NPLOC4: variants seen among roughly 807,000 people sequenced by gnomAD.
The protein encoded by NPLOC4 is nuclear protein localization protein 4 homolog.
In NPLOC4, 18 loss-of-function variants were observed where a neutral mutation model predicts 80.6. That is an observed-to-expected ratio of 0.22 (90% CI 0.15 to 0.33). The LOEUF (loss-of-function observed/expected upper bound fraction) is 0.33, where lower values mean the gene tolerates loss of function less well. Among genes scored for constraint, NPLOC4 ranks in the 10% least tolerant of loss-of-function variants. The probability of loss-of-function intolerance (pLI) is 1.00; values close to 1 mark genes in which losing one functional copy is unlikely to be tolerated. For missense variants in NPLOC4, 540 were observed against 786.1 expected, an observed-to-expected ratio of 0.69 and a Z score of 3.74; for synonymous variants, 313 against 301.5, an observed-to-expected ratio of 1.04 and a Z score of -0.39.
At chr17:81,623,233 A>G (rs1412642332) in intron 2 of NPLOC4, among the ~76,000 whole-genome samples, 2 of 151,666 alleles carry the variant, frequency 1.3e-5, no homozygotes, top group African/African-American at 2.4e-5. Flanking sequence ...GCACTATGGG[A>G]GGCCAAAGCA....
At chr17:81,636,182 G>A (rs2036067029) in intron 1 of NPLOC4, among the ~76,000 whole-genome samples, 1 of 152,092 alleles carries the variant, frequency 6.6e-6, no homozygotes, top group Non-Finnish European at 1.5e-5. Context: ...TGTTGGCCAG[G>A]ATGGTCTCGA....
intron 12 of NPLOC4, among the ~76,000 whole-genome samples, chr17:81,579,230 T>C (rs2034375026): frequency 1.3e-5 from 2 of 152,070 alleles, no homozygotes; most frequent in South Asian, 4.2e-4. Context: ...AAAAAGAAAT[T>C]AGCTGGGCGT....
intron 12 of NPLOC4, among the ~76,000 whole-genome samples, chr17:81,587,674 G>T (rs867616670): frequency 9.0e-4 from 84 of 93,290 alleles, no homozygotes; most frequent in East Asian, 1.3e-3. Flanking sequence ...GAAAAAAGTT[G>T]TTTTTTTTTT....
chr17:81,615,092 G>A (rs1484754920), intron 3 of NPLOC4, among the ~76,000 whole-genome samples: 1 of 95,746 alleles, frequency 1.0e-5, no homozygotes, highest in Non-Finnish European at 1.9e-5. Flanking sequence ...CATCAGAGAC[G>A]TCTGTTTCTT....
At chr17:81,602,992 C>CAA (rs1480397327) in intron 8 of NPLOC4, among the ~76,000 whole-genome samples, 2 of 126,472 alleles carry the variant, frequency 1.6e-5, no homozygotes, top group Non-Finnish European at 3.6e-5. Flanking sequence ...CACACACACA[C>CAA]ACACACACAC....
chr17:81,565,650 G>A (rs1019908958), intron 15 of NPLOC4, 43 bp from the exon 16 acceptor site: 7 of 1,411,930 alleles, frequency 5.0e-6, no homozygotes, highest in African/African-American at 2.9e-5. Flanking sequence ...CTGTGCCTAA[G>A]GTGAGCAGCT....
chr17:81,593,675 G>C (rs1395486756), intron 11 of NPLOC4, among the ~76,000 whole-genome samples: 1 of 151,854 alleles, frequency 6.6e-6, no homozygotes. Context: ...TGTGGCAGGG[G>C]TGTGGGGATG....
rs1361404031 is a variant in NPLOC4 at position 81,622,104 on chromosome 17, C to T, written c.209+62G>A. On this transcript the variant is annotated intron_variant, in intron 3 of 16. Transcript: ENST00000331134. ...GAAAGAGGATAAAACTCGGCAACCT[C>T]GGGCAGATCATGGGGACCTCATTTC... is the stretch of plus-strand genomic sequence containing the variant. 4.1e-6 allele frequency: 5 copies of T among 1,233,690 alleles called. No homozygotes were observed. The African/African-American group carries it at 4.5e-5, about 11-fold the overall frequency. The allele number at this position is 1,233,690 out of a possible 1,614,324, so 76.4% of individuals were successfully genotyped here. A position where few individuals can be genotyped will look rare whatever the true frequency, so the allele number is the denominator to read the frequency against.
chr17:81,620,203 C>T (rs888882191), intron 3 of NPLOC4, among the ~76,000 whole-genome samples: 4 of 152,034 alleles, frequency 2.6e-5, no homozygotes, highest in East Asian at 1.9e-4. Context: ...ACTCAAGTAA[C>T]GAAAGAATAA....
intron 15 of NPLOC4, among the ~76,000 whole-genome samples, chr17:81,566,235 G>C (rs2034008445): frequency 6.6e-6 from 1 of 152,180 alleles, no homozygotes; most frequent in East Asian, 1.9e-4. Flanking sequence ...GGGAGGCTGA[G>C]GCGGGAGAAT....
At position 81,622,166 on chromosome 17, in the gene NPLOC4, T is replaced by C. The variant is rs750505055; in HGVS notation, c.209A>G (p.Lys70Arg). 15 of 1,607,316 alleles carry C rather than the reference T, an allele frequency of 9.3e-6. No homozygotes were observed. The highest frequency in any genetic ancestry group is 1.1e-5 in the Non-Finnish European group (13 of 1,173,948). ...SNKSLNLLKI[K>R]HGDLLFLFPS... The stretch of plus-strand genomic sequence containing the variant: ...TGCTTCCTCCTCAGAGGACACTTAC[T>C]TGATTTTTAGCAAGTTGAGGGATTT... Residue 70 changes from lysine to arginine, a missense_variant and splice_region_variant, in exon 3 of 17, where the codon AAG becomes AGG. Around this residue, in one of 6 missense-constraint regions of NPLOC4, gnomAD observed 62 missense variants for 84.4 expected, o/e 0.73. Coordinates refer to ENST00000331134, the MANE Select transcript of NPLOC4 (RefSeq NM_017921.4).
chr17:81,610,567 C>T (rs1226609186), intron 4 of NPLOC4, among the ~76,000 whole-genome samples: 1 of 152,160 alleles, frequency 6.6e-6, no homozygotes, highest in East Asian at 1.9e-4. Context: ...TACACCACCA[C>T]ACCCAGAAGT....
At chr17:81,619,184 A>G (rs1252737646) in intron 3 of NPLOC4, among the ~76,000 whole-genome samples, 1 of 145,116 alleles carries the variant, frequency 6.9e-6, no homozygotes, top group African/African-American at 2.6e-5. Flanking sequence ...TGCGAGAAAC[A>G]CCCAAGAATG....
chr17:81,636,802 A>G, intron 1 of NPLOC4, 114 bp downstream of exon 1: 1 of 1,134,098 alleles, frequency 8.8e-7, no homozygotes, highest in Non-Finnish European at 1.1e-6. Context: ...CTGGCGAGAG[A>G]AGAGAAAGGG....
chr17:81,632,721 G>C (rs1030644456), intron 1 of NPLOC4, among the ~76,000 whole-genome samples: 1 of 152,072 alleles, frequency 6.6e-6, no homozygotes, highest in African/African-American at 2.4e-5. Context: ...ACTGTCACAA[G>C]CCATTGTCTA....
In NPLOC4 at chr17:81,572,681, C is replaced by T. The variant is rs1192790390; in HGVS notation, c.1282-593G>A. On this transcript the variant is annotated intron_variant, in intron 12 of 16. Transcript: ENST00000331134. The surrounding 1 kb of genome is among the most constrained non-coding windows in gnomAD (Gnocchi z 4.5). ...GAGCACATCAAATGCCTCCTCTCCA[C>T]CCATGGCGCTTGGCCTGGCACTCAG... Among the ~76,000 whole-genome samples, 1 of 152,236 alleles carries T rather than the reference C, an allele frequency of 6.6e-6. No individual in the cohort carries two copies. The highest frequency in any genetic ancestry group is 1.5e-5 in the Non-Finnish European group (1 of 68,040).
chr17:81,560,184 G>A (rs374116076), intron 16 of NPLOC4, among the ~76,000 whole-genome samples: 18 of 151,938 alleles, frequency 1.2e-4, no homozygotes, highest in Admixed American at 5.9e-4. Context: ...TTGGGAGGCC[G>A]AGGCGGGTGG....
rs772151211 is a variant in NPLOC4, at chr17:81,596,200, C to T, written c.1036G>A (p.Asp346Asn). Residue 346 changes from aspartate to asparagine, a missense_variant, in exon 11 of 17, where the codon GAC (aspartate) becomes AAC (asparagine). By Grantham distance (23) the Asp-to-Asn change is conservative (BLOSUM62 1). Around this residue, in one of 6 missense-constraint regions of NPLOC4, gnomAD observed 251 missense variants for 377.5 expected, o/e 0.66. Transcript: ENST00000331134. ...LSSEECITAG[D>N]FQNKHPNMCR... Reference sequence around the variant, plus strand: ...ATGTTGGGATGCTTGTTCTGGAAGTCTCCTGCAGTGATGCACTCTTCTGAA... The same window carrying T: ...ATGTTGGGATGCTTGTTCTGGAAGTTTCCTGCAGTGATGCACTCTTCTGAA... 1 of 1,613,994 alleles carries T rather than the reference C, an allele frequency of 6.2e-7. No individual in the cohort carries two copies. The highest frequency in any genetic ancestry group is 1.1e-5 in the South Asian group (1 of 91,084).
intron 11 of NPLOC4, among the ~76,000 whole-genome samples, chr17:81,590,193 C>T (rs1026321918): frequency 4.6e-5 from 7 of 152,248 alleles, no homozygotes; most frequent in African/African-American, 1.2e-4. Flanking sequence ...TGCCACTCCA[C>T]GGCCGTGGGC....
Sources: allele counts gnomAD v4.1 joint callset (sites outside exome capture counted in the v4.1 genomes callset), GRCh38; gene constraint gnomAD v4.1.1; regional missense constraint gnomAD v4.1.1; non-coding constraint Gnocchi (gnomAD v3.1); transcripts MANE v1.5; gene names NCBI Gene and HGNC (gene_info 2026-07-23, HGNC 2026-07-21).